The following ZNRF2 variants were observed in gnomAD, a reference collection of about 807,000 sequenced individuals.
ZNRF2 encodes E3 ubiquitin-protein ligase ZNRF2.
In ZNRF2, 16 loss-of-function variants were observed where a neutral mutation model predicts 20.4. The observed-to-expected ratio is 0.79, with a 90% CI of 0.53 to 1.19. The LOEUF (loss-of-function observed/expected upper bound fraction) is 1.19. Ranked by LOEUF, ZNRF2 falls within the 50% of genes most tolerant of loss-of-function variation. ZNRF2 has a pLI of 0.00. For synonymous variants in ZNRF2, 178 were observed against 144.9 expected (o/e 1.23, Z -1.64); for missense variants, 363 against 332.4 (o/e 1.09, Z -0.72).
chr7:30,298,150 A>G (rs1583567848), intron 1 of ZNRF2, among the ~76,000 whole-genome samples: 1 of 151,928 alleles, frequency 6.6e-6, no homozygotes, highest in Non-Finnish European at 1.5e-5. Flanking sequence ...TTTTTTTCAT[A>G]TATTCCATTT....
chr7:30,359,430 G>A (rs1018740720), intron 3 of ZNRF2, among the ~76,000 whole-genome samples: 2 of 152,152 alleles, frequency 1.3e-5, no homozygotes, highest in African/African-American at 4.8e-5. Flanking sequence ...TTTCTGTAAT[G>A]CAGTGAACTC....
chr7:30,366,002 G>A (rs1369638526), intron 4 of ZNRF2, 33 bp from the exon 5 acceptor site: 2 of 152,164 alleles, frequency 1.3e-5, no homozygotes, highest in African/African-American at 2.4e-5. Flanking sequence ...AGTAACTAAA[G>A]CAATGTTCAT....
intron 2 of ZNRF2, among the ~76,000 whole-genome samples, chr7:30,344,337 T>C (rs2127953115): frequency 6.6e-6 from 1 of 152,168 alleles, no homozygotes; most frequent in African/African-American, 2.4e-5. Flanking sequence ...CTGTGTTTAG[T>C]GATTACTTTT....
intron 1 of ZNRF2, among the ~76,000 whole-genome samples, chr7:30,315,878 G>A (rs1244878923): frequency 6.6e-6 from 1 of 151,882 alleles, no homozygotes; most frequent in Non-Finnish European, 1.5e-5. Flanking sequence ...GAGTGATAGT[G>A]TGTGTCATGA....
At chr7:30,350,636 C>T (rs1012083793) in intron 2 of ZNRF2, among the ~76,000 whole-genome samples, 2 of 151,916 alleles carry the variant, frequency 1.3e-5, no homozygotes, top group South Asian at 2.1e-4. Context: ...TTCTTTTATA[C>T]GTATAAGAGA....
intron 1 of ZNRF2, among the ~76,000 whole-genome samples, chr7:30,294,342 TG>T (rs1365243718): frequency 6.6e-6 from 1 of 152,264 alleles, no homozygotes; most frequent in East Asian, 1.9e-4. Context: ...TACACATTTT[TG>T]TTTCTTTTAA....
chr7:30,361,341 TCTAC>T (rs1004528729), intron 3 of ZNRF2, among the ~76,000 whole-genome samples: 1 of 152,246 alleles, frequency 6.6e-6, no homozygotes, highest in Non-Finnish European at 1.5e-5. Context: ...GATGTGGTAC[TCTAC>T]CTTTTTTCTT....
rs1157084998 is a variant in ZNRF2, at chr7:30,318,136, G to A, written c.470-5506G>A. On this transcript the variant is annotated intron_variant, in intron 1 of 4. Transcript: ENST00000323037. ...TGGGGAAACTTGGAGTGCCGGCTTTGGATAGAGAACATTTATAGCCAGTGA... is the reference window on the plus strand; with the variant it reads ...TGGGGAAACTTGGAGTGCCGGCTTTAGATAGAGAACATTTATAGCCAGTGA... Among the ~76,000 whole-genome samples, 3 of 152,260 alleles carry A rather than the reference G, an allele frequency of 2.0e-5. No individual in the cohort carries two copies. The East Asian group carries it at 5.8e-4, about 29-fold the overall frequency.
At chr7:30,347,555 TAAAAA>T (rs1280697569) in intron 2 of ZNRF2, among the ~76,000 whole-genome samples, 1 of 151,602 alleles carries the variant, frequency 6.6e-6, no homozygotes, top group Non-Finnish European at 1.5e-5. Context: ...TTAGAACAAT[TAAAAA>T]GAAAAAAAAA....
chr7:30,285,000 A>G lies in ZNRF2; in HGVS notation c.-358A>G, dbSNP rs1444444286. The G allele has an allele frequency of 5.2e-6, 2 of 384,214 alleles. No homozygotes were observed. The highest frequency in any genetic ancestry group is 3.1e-5 in the Admixed American group (1 of 31,772). The allele number at this position is 384,214 out of a possible 1,614,324, so 23.8% of individuals were successfully genotyped here. On this transcript the variant is annotated 5_prime_UTR_variant, in exon 1 of 5. Coordinates refer to ENST00000323037, the MANE Select transcript of ZNRF2 (RefSeq NM_147128.4). ...GATCGGGGGCGCCGAGCGCGGCAGC[A>G]GAGAGCGGTAGCGGCCCGTCGTGGC...
chr7:30,302,953 G>A (rs1234153706), intron 1 of ZNRF2, among the ~76,000 whole-genome samples: 2 of 152,156 alleles, frequency 1.3e-5, no homozygotes, highest in South Asian at 2.1e-4. Flanking sequence ...CTTCAGTAAC[G>A]GAGCAAGTTT....
intron 4 of ZNRF2, 53 bp downstream of exon 4, chr7:30,362,509 A>G: frequency 8.8e-7 from 1 of 1,130,020 alleles, no homozygotes; most frequent in Non-Finnish European, 1.3e-6. Context: ...TATACATTCT[A>G]AACTATAATT....
intron 2 of ZNRF2, among the ~76,000 whole-genome samples, chr7:30,348,586 A>G (rs962004275): frequency 1.1e-4 from 17 of 152,232 alleles, no homozygotes; most frequent in African/African-American, 3.4e-4. Context: ...GAATACCTAT[A>G]TTTCCACCTG....
intron 2 of ZNRF2, among the ~76,000 whole-genome samples, chr7:30,353,977 A>C (rs536075049): frequency 1.3e-5 from 2 of 152,166 alleles, no homozygotes; most frequent in South Asian, 2.1e-4. Context: ...TCTCCTTTAG[A>C]TCCTTTTTCT....
intron 1 of ZNRF2, among the ~76,000 whole-genome samples, chr7:30,301,551 G>A (rs1006437498): frequency 1.3e-5 from 2 of 151,932 alleles, no homozygotes; most frequent in African/African-American, 2.4e-5. Context: ...GGCATGGTTC[G>A]CTGCATTCAC....
intron 2 of ZNRF2, among the ~76,000 whole-genome samples, chr7:30,345,479 C>T (rs1799862704): frequency 6.6e-6 from 1 of 151,880 alleles, no homozygotes; most frequent in Non-Finnish European, 1.5e-5. Flanking sequence ...TTCTGTTATA[C>T]CATTCAGAAC....
At chr7:30,344,268 G>C (rs1562618794) in intron 2 of ZNRF2, among the ~76,000 whole-genome samples, 1 of 150,368 alleles carries the variant, frequency 6.7e-6, no homozygotes, top group Non-Finnish European at 1.5e-5. Context: ...TAACTGTGTT[G>C]TTTCTTTTGA....
intron 1 of ZNRF2, among the ~76,000 whole-genome samples, chr7:30,293,085 C>T (rs753776383): frequency 2.0e-5 from 3 of 151,920 alleles, no homozygotes; most frequent in South Asian, 4.1e-4. Context: ...CTGCATATCC[C>T]GTGTTTTGAA....
chr7:30,297,501 G>T (rs542267901), intron 1 of ZNRF2, among the ~76,000 whole-genome samples: 1 of 152,020 alleles, frequency 6.6e-6, no homozygotes, highest in South Asian at 2.1e-4. Flanking sequence ...CCTCATTTTT[G>T]ATTAGTACTT....
Sources: allele counts gnomAD v4.1 joint callset (sites outside exome capture counted in the v4.1 genomes callset), GRCh38; gene constraint gnomAD v4.1.1; transcripts MANE v1.5; gene names NCBI Gene and HGNC (gene_info 2026-07-23, HGNC 2026-07-21).